Variants in C8orf76 observed in about 807,000 individuals in gnomAD.
The protein encoded by C8orf76 is uncharacterized protein C8orf76.
In C8orf76, 46 loss-of-function variants were observed where a neutral mutation model predicts 38.1. The ratio of observed to expected loss-of-function variants is 1.21; its 90% CI spans 0.95 to 1.54. The LOEUF (loss-of-function observed/expected upper bound fraction) is 1.54. Among genes scored for constraint, C8orf76 ranks in the 40% most tolerant of loss-of-function variants. The pLI, the probability that C8orf76 is intolerant of heterozygous loss-of-function variation, is 0.00. For synonymous variants in C8orf76, 166 were observed against 167.5 expected, an observed-to-expected ratio of 0.99 and a Z score of 0.07; for missense variants, 461 against 441.6, an observed-to-expected ratio of 1.04 and a Z score of -0.39.
At position 123,231,377 on chromosome 8, in the gene C8orf76, T is replaced by C. The variant is rs1563799719; in HGVS notation, c.738A>G (p.Gln246=). The C allele has an allele frequency of 6.2e-7, 1 of 1,614,246 alleles. No individual in the cohort carries two copies. The highest frequency in any genetic ancestry group is 2.2e-5 in the East Asian group (1 of 44,892). The part of the protein sequence containing the change: ...QKNEKALTNI[Q]NCMAEKRETV... The stretch of plus-strand genomic sequence containing the variant: ...TTTCTCTCTTTTCTGCCATACAGTT[T>C]TGGATATTTGTCAGAGCTTTCTCAT... The change falls in exon 4 of 6, where the codon CAA becomes CAG. Residue 246 remains glutamine (Q), a synonymous_variant. Transcript: ENST00000276704.
chr8:123,228,732 C>T (rs981171169), intron 4 of C8orf76, among the ~76,000 whole-genome samples: 2 of 152,186 alleles, frequency 1.3e-5, no homozygotes, highest in Admixed American at 6.5e-5. Context: ...AGACCAAACC[C>T]TTGTGACACC....
chr8:123,227,075 C>T (rs973709410), intron 4 of C8orf76, among the ~76,000 whole-genome samples: 4 of 152,124 alleles, frequency 2.6e-5, no homozygotes, highest in Non-Finnish European at 4.4e-5. Context: ...GCTGACCCCA[C>T]AGCAACTTGA....
At chr8:123,237,166 C>G (rs1296215329) in intron 3 of C8orf76, 1 of 730,776 alleles carries the variant, frequency 1.4e-6, no homozygotes, top group Non-Finnish European at 2.5e-6. Context: ...TGTCAACTCC[C>G]GCAAGAAGCG....
At chr8:123,235,366 C>G (rs1274337101) in intron 3 of C8orf76, among the ~76,000 whole-genome samples, 2 of 152,030 alleles carry the variant, frequency 1.3e-5, no homozygotes, top group Non-Finnish European at 2.9e-5. Flanking sequence ...TGCGACAGGT[C>G]CCCCTACAGA....
intron 3 of C8orf76, among the ~76,000 whole-genome samples, chr8:123,235,233 T>G (rs578164346): frequency 1.3e-5 from 2 of 152,212 alleles, no homozygotes; most frequent in Admixed American, 1.3e-4. Context: ...AGTCCTACTA[T>G]AAATTTTATC....
chr8:123,240,953 G>A (rs2131170066), intron 1 of C8orf76, among the ~76,000 whole-genome samples: 1 of 152,346 alleles, frequency 6.6e-6, no homozygotes, highest in Non-Finnish European at 1.5e-5. Context: ...AGATTGCAGG[G>A]CAGGGGCGTT....
chr8:123,224,775 G>A (rs1371485464), intron 5 of C8orf76, among the ~76,000 whole-genome samples: 1 of 152,156 alleles, frequency 6.6e-6, no homozygotes, highest in Admixed American at 6.6e-5. Context: ...ATCGAGCATG[G>A]TGAAGAATAC....
intron 5 of C8orf76, among the ~76,000 whole-genome samples, chr8:123,225,973 T>A (rs943219359): frequency 6.0e-5 from 9 of 151,048 alleles, no homozygotes; most frequent in Non-Finnish European, 1.2e-4. Flanking sequence ...TTAAAAAAAA[T>A]TACCTTTGAA....
chr8:123,224,158 A>C (rs1357412785), intron 5 of C8orf76, among the ~76,000 whole-genome samples: 1 of 151,508 alleles, frequency 6.6e-6, no homozygotes, highest in Non-Finnish European at 1.5e-5. Context: ...CAGTTGTTAT[A>C]GAATAAAAAA....
In C8orf76 at chr8:123,226,626, C is replaced by T; in HGVS notation, c.822G>A (p.Leu274=). 1 of 1,590,642 alleles carries T rather than the reference C, an allele frequency of 6.3e-7. No homozygotes were observed. Among genetic ancestry groups the T allele is most frequent in the South Asian group, 1.2e-5 (1 of 86,732 alleles). ...ACASFIRTRL[L]LQFTQPQQTS... The stretch of plus-strand genomic sequence containing the variant: ...TTTGCTGAGGTTGGGTAAACTGAAG[C>T]AGAAGCCTGAAAAACCGAAAAGTCT... The change falls in exon 5 of 6, where the codon CTG becomes CTA. Residue 274 remains leucine (L), a synonymous_variant. Transcript: ENST00000276704.
chr8:123,235,743 G>A (rs1303367650), intron 3 of C8orf76, among the ~76,000 whole-genome samples: 3 of 152,110 alleles, frequency 2.0e-5, no homozygotes, highest in African/African-American at 4.8e-5. Context: ...CTGAGCCACC[G>A]AAACAGATTC....
chr8:123,239,935 TGACCC>T (rs1213645612), intron 1 of C8orf76: 2 of 146,768 alleles, frequency 1.4e-5, no homozygotes, highest in Admixed American at 6.9e-5. Flanking sequence ...GAGGTTGGGG[TGACCC>T]GAGATCGCGC....
intron 3 of C8orf76, among the ~76,000 whole-genome samples, chr8:123,234,597 C>T (rs971798730): frequency 1.6e-4 from 24 of 152,004 alleles, no homozygotes; most frequent in Non-Finnish European, 2.9e-5. Context: ...GATGAAACCC[C>T]GTCTCTACTA....
At chr8:123,236,698 C>A (rs531483397) in intron 3 of C8orf76, among the ~76,000 whole-genome samples, 35 of 151,088 alleles carry the variant, frequency 2.3e-4, no homozygotes, top group Non-Finnish European at 5.0e-4. Context: ...GCAGGAGAAT[C>A]GTTTGAATCC....
At position 123,228,819 on chromosome 8, in the gene C8orf76, C is replaced by T. The variant is rs1825136847; in HGVS notation, c.816-2187G>A. Among the ~76,000 whole-genome samples, 4 of 152,196 alleles carry T rather than the reference C, an allele frequency of 2.6e-5. No individual in the cohort carries two copies. The South Asian group carries it at 8.3e-4, about 31-fold the overall frequency. On this transcript the variant is annotated intron_variant, in intron 4 of 5. Transcript: ENST00000276704. ...CATTTACCAAATGCCTACTACATACCATGCAGGACAATAAGTACTTTAAAT... is the reference window on the plus strand; with the variant it reads ...CATTTACCAAATGCCTACTACATACTATGCAGGACAATAAGTACTTTAAAT...
chr8:123,226,613 G>A lies in C8orf76; in HGVS notation c.835C>T (p.Gln279Ter). The change falls in exon 5 of 6, where the codon CAA (glutamine) becomes TAA (stop). Residue 279 changes from glutamine (Q) to a stop codon, truncating the protein, a stop_gained. Transcript: ENST00000276704. LOFTEE classifies it high-confidence loss of function. ...IRTRLLLQFT[Q>*]PQQTSFALER... Reference sequence around the variant, plus strand: ...AAAGCAAACGATGTTTGCTGAGGTTGGGTAAACTGAAGCAGAAGCCTGAAA... The same window carrying A: ...AAAGCAAACGATGTTTGCTGAGGTTAGGTAAACTGAAGCAGAAGCCTGAAA... The A allele has an allele frequency of 1.3e-6, 2 of 1,599,212 alleles. No individual in the cohort carries two copies. Among genetic ancestry groups the A allele is most frequent in the Non-Finnish European group, 1.7e-6 (2 of 1,176,642 alleles).
chr8:123,239,286 G>A lies in C8orf76; in HGVS notation c.118-142C>T, dbSNP rs955516725. On this transcript the variant is annotated intron_variant, in intron 1 of 5. Coordinates refer to ENST00000276704, the MANE Select transcript of C8orf76 (RefSeq NM_032847.3). ...CTGGCCAGGTTAGTCTTGAACTCCT[G>A]AGCACAAGTGATCCTGCCTCTGCCC... is the stretch of plus-strand genomic sequence containing the variant. 4 of 804,060 alleles carry A rather than the reference G, an allele frequency of 5.0e-6. No individual in the cohort carries two copies. The African/African-American group carries it at 5.2e-5, about 11-fold the overall frequency. The allele number at this position is 804,060 out of a possible 1,614,324, so 49.8% of individuals were successfully genotyped here.
intron 4 of C8orf76, among the ~76,000 whole-genome samples, chr8:123,229,497 TC>T (rs1425667910): frequency 1.3e-5 from 2 of 152,228 alleles, no homozygotes; most frequent in African/African-American, 4.8e-5. Context: ...CGCCAACAGC[TC>T]CCTGACGTTG....
intron 5 of C8orf76, among the ~76,000 whole-genome samples, chr8:123,221,146 G>A (rs1042458902): frequency 5.3e-5 from 8 of 152,152 alleles, no homozygotes; most frequent in African/African-American, 1.2e-4. Flanking sequence ...ATGGTTTTGC[G>A]GACTGGGTTT....
Sources: gnomAD v4.1 joint callset for allele counts (sites outside exome capture counted in the v4.1 genomes callset) on GRCh38, gnomAD v4.1.1 for gene constraint, MANE v1.5 for transcripts, NCBI Gene and HGNC (gene_info 2026-07-23, HGNC 2026-07-21) for gene names.